The following OSGIN1 variants were observed in gnomAD, a reference collection of about 807,000 sequenced individuals.
OSGIN1 encodes oxidative stress induced growth inhibitor 1, also known as oxidative stress-induced growth inhibitor 1.
Under a neutral mutation model 20.1 loss-of-function variants are expected in OSGIN1, and 19 were observed. The ratio of observed to expected loss-of-function variants is 0.95; its 90% CI spans 0.66 to 1.39. The LOEUF is 1.39. Among genes scored for constraint, OSGIN1 ranks in the 40% most tolerant of loss-of-function variants. OSGIN1 has a pLI of 0.00. For missense variants in OSGIN1, 820 were observed against 653.0 expected, an observed-to-expected ratio of 1.26 and a Z score of -2.79; for synonymous variants, 368 against 297.8, an observed-to-expected ratio of 1.24 and a Z score of -2.43.
In OSGIN1 at chr16:83,965,400, C is replaced by G. The variant is rs373163607; in HGVS notation, c.827C>G (p.Thr276Arg). The G allele has an allele frequency of 2.5e-6, 4 of 1,576,076 alleles. No individual in the cohort carries two copies. The change falls in exon 6 of 6, where the codon ACA becomes AGA. Residue 276 changes from threonine (T) to arginine (R), a missense_variant. Thr to Arg is a moderately conservative substitution (Grantham distance 71). Coordinates refer to ENST00000393306, the MANE Select transcript of OSGIN1 (RefSeq NM_182981.3). ...HHELSALEAA[T>R]RVGAVTPASD... The stretch of plus-strand genomic sequence containing the variant: ...GAGCTGTCTGCCCTGGAGGCCGCCA[C>G]AAGGGTGGGTGCGGTGACCCCGGCC...
At chr16:83,962,026 G>C (rs1567657175) in intron 5 of OSGIN1, among the ~76,000 whole-genome samples, 1 of 149,916 alleles carries the variant, frequency 6.7e-6, no homozygotes, top group Non-Finnish European at 1.5e-5. Context: ...GAGCCCCCAA[G>C]TTGGGTAAAT....
intron 3 of OSGIN1, among the ~76,000 whole-genome samples, chr16:83,959,733 C>T (rs1260054890): frequency 3.3e-5 from 5 of 152,148 alleles, no homozygotes; most frequent in African/African-American, 1.2e-4. Context: ...GCCAGGGATG[C>T]TGGCAAACAT....
intron 2 of OSGIN1, among the ~76,000 whole-genome samples, chr16:83,958,633 T>C (rs764026297): frequency 2.0e-5 from 3 of 152,074 alleles, no homozygotes; most frequent in African/African-American, 7.2e-5. Flanking sequence ...AAAGGACAGA[T>C]AAAAAGAGAA....
intron 1 of OSGIN1, among the ~76,000 whole-genome samples, chr16:83,956,578 T>G (rs1908941850): frequency 6.6e-6 from 1 of 152,160 alleles, no homozygotes; most frequent in African/African-American, 2.4e-5. Context: ...GCCCTGGGTT[T>G]CAAAGCCAGC....
chr16:83,961,910 G>A (rs936579419), intron 5 of OSGIN1, among the ~76,000 whole-genome samples: 9 of 151,854 alleles, frequency 5.9e-5, no homozygotes, highest in African/African-American at 2.2e-4. Flanking sequence ...TTCTGAGCCT[G>A]GCCTAGAACA....
At chr16:83,955,787 C>T (rs1908898248) in intron 1 of OSGIN1, among the ~76,000 whole-genome samples, 1 of 152,244 alleles carries the variant, frequency 6.6e-6, no homozygotes, top group Non-Finnish European at 1.5e-5. Flanking sequence ...GGGAGCTGAG[C>T]ATGAAGAGGC....
chr16:83,953,463 C>G, intron 1 of OSGIN1, 93 bp downstream of exon 1: 11 of 1,167,148 alleles, frequency 9.4e-6, no homozygotes, highest in Non-Finnish European at 1.2e-5. Flanking sequence ...CTGCAGAGCC[C>G]TGGCGCCAGG....
intron 5 of OSGIN1, among the ~76,000 whole-genome samples, chr16:83,961,856 C>T (rs1472205105): frequency 6.6e-6 from 1 of 152,228 alleles, no homozygotes; most frequent in Admixed American, 6.5e-5. Context: ...GCCTCTGGCA[C>T]AGGTCCCCCA....
In OSGIN1 at chr16:83,965,503, G is replaced by T. The variant is rs140686634; in HGVS notation, c.930G>T (p.Pro310=). The T allele has an allele frequency of 3.1e-6, 5 of 1,611,616 alleles. No homozygotes were observed. In the African/African-American group the frequency reaches 6.7e-5, roughly 22 times the overall value. ...AVLYARHYNI[P]VIHAFRRAVD... The stretch of plus-strand genomic sequence containing the variant: ...TCTACGCCCGCCACTACAACATCCC[G>T]GTGATCCATGCCTTCCGCCGGGCCG... Residue 310 remains proline (P), a synonymous_variant, in exon 6 of 6, where the codon CCG becomes CCT. Coordinates refer to ENST00000393306, the MANE Select transcript of OSGIN1 (RefSeq NM_182981.3).
intron 1 of OSGIN1, among the ~76,000 whole-genome samples, 155 bp downstream of exon 1, chr16:83,953,525 C>T (rs2151073722): frequency 6.6e-6 from 1 of 152,280 alleles, no homozygotes; most frequent in South Asian, 2.1e-4. Context: ...TTCTCTGGAG[C>T]CCGGCAGGAT....
At chr16:83,958,205 A>T (rs1401584400) in intron 2 of OSGIN1, among the ~76,000 whole-genome samples, 1 of 152,206 alleles carries the variant, frequency 6.6e-6, no homozygotes, top group African/African-American at 2.4e-5. Flanking sequence ...AGTGGTCTTT[A>T]AATTAAGCCA....
intron 5 of OSGIN1, among the ~76,000 whole-genome samples, chr16:83,963,553 C>G (rs1479336900): frequency 6.6e-6 from 1 of 152,162 alleles, no homozygotes; most frequent in African/African-American, 2.4e-5. Context: ...ATAAATAACT[C>G]TGCACAGAAC....
chr16:83,963,128 T>TC (rs1301039730), intron 5 of OSGIN1, among the ~76,000 whole-genome samples: 1 of 152,126 alleles, frequency 6.6e-6, no homozygotes, highest in African/African-American at 2.4e-5. Context: ...ACTCCAGGCG[T>TC]CCCCCTCCAG....
rs142802229 is a variant in OSGIN1, at chr16:83,965,347, C to T, written c.774C>T (p.Pro258=). The part of the protein sequence containing the change: ...TFDSPARLGI[P]GEALPFIHHE... ...ACAGCCCGGCCCGGCTGGGCATCCC[C>T]GGGGAGGCCCTGCCCTTCATCCACC... Residue 258 remains proline, a synonymous_variant, in exon 6 of 6, where the codon CCC becomes CCT. Transcript: ENST00000393306. The T allele has an allele frequency of 1.9e-3, 2,963 of 1,571,718 alleles. 7 individuals are homozygous for T. Among genetic ancestry groups the T allele is most frequent in the Non-Finnish European group, 2.4e-3 (2,788 of 1,160,746 alleles).
At chr16:83,954,855 G>A (rs1189672726) in intron 1 of OSGIN1, 1 of 545,118 alleles carries the variant, frequency 1.8e-6, no homozygotes, top group African/African-American at 2.0e-5. Context: ...CCCTTCTTGG[G>A]GTGGTGGGAA....
At chr16:83,964,949 C>A in intron 5 of OSGIN1, 113 bp from the exon 6 acceptor site, 1 of 737,962 alleles carries the variant, frequency 1.4e-6, no homozygotes, top group East Asian at 2.5e-5. Flanking sequence ...AGTCCTACAG[C>A]TACAGCCTAG....
intron 1 of OSGIN1, among the ~76,000 whole-genome samples, 163 bp downstream of exon 1, chr16:83,953,533 G>C (rs767305262): frequency 6.6e-6 from 1 of 152,150 alleles, no homozygotes; most frequent in African/African-American, 2.4e-5. Flanking sequence ...AGCCCGGCAG[G>C]ATTCTCCCCT....
chr16:83,959,566 C>A (rs1909106081), intron 3 of OSGIN1, among the ~76,000 whole-genome samples, 170 bp downstream of exon 3: 1 of 152,200 alleles, frequency 6.6e-6, no homozygotes, highest in African/African-American at 2.4e-5. Flanking sequence ...AAATCAGAGA[C>A]CCACAAATGC....
chr16:83,965,175 T>G lies in OSGIN1; in HGVS notation c.602T>G (p.Val201Gly), dbSNP rs1311872851. 3.1e-6 allele frequency: 5 copies of G among 1,613,226 alleles called. No individual in the cohort carries two copies. Among genetic ancestry groups the G allele is most frequent in the Non-Finnish European group, 4.2e-6 (5 of 1,180,000 alleles). Reference protein sequence around the residue: ...NFVSGAVVTAVEWGTPDPSSC... With the variant: ...NFVSGAVVTAGEWGTPDPSSC... ...GTGTCCGGTGCTGTAGTCACAGCCG[T>G]GGAGTGGGGGACCCCCGATCCCAGC... Residue 201 changes from valine to glycine, a missense_variant, in exon 6 of 6, where the codon GTG becomes GGG. Transcript: ENST00000393306.
Sources: gnomAD v4.1 joint callset for allele counts (sites outside exome capture counted in the v4.1 genomes callset) on GRCh38, gnomAD v4.1.1 for gene constraint, MANE v1.5 for transcripts, NCBI Gene and HGNC (gene_info 2026-07-23, HGNC 2026-07-21) for gene names.